CACNG3: variants seen among roughly 807,000 people sequenced by gnomAD.
CACNG3 encodes the protein calcium voltage-gated channel auxiliary subunit gamma 3.
A neutral mutation model predicts 28.5 loss-of-function variants in CACNG3; 3 were observed. That is an observed-to-expected ratio of 0.11 (90% CI 0.05 to 0.27). The LOEUF (loss-of-function observed/expected upper bound fraction) is 0.27. Among genes scored for constraint, CACNG3 ranks in the 10% least tolerant of loss-of-function variants. The pLI, the probability that CACNG3 is intolerant of heterozygous loss-of-function variation, is 1.00. For missense variants in CACNG3, 236 were observed against 414.4 expected (o/e 0.57, Z 3.74); for synonymous variants, 174 against 162.2 (o/e 1.07, Z -0.55).
At chr16:24,309,426 C>T (rs1899230206) in intron 1 of CACNG3, among the ~76,000 whole-genome samples, 1 of 152,176 alleles carries the variant, frequency 6.6e-6, no homozygotes, top group Non-Finnish European at 1.5e-5. Flanking sequence ...AGCTATGAGC[C>T]ACACAATGTT....
In CACNG3 at chr16:24,291,203, A is replaced by G. The variant is rs532710970; in HGVS notation, c.211+34238A>G. ...AGTTTTGGCACATAGTTAGCCCTCA[A>G]TAGCCACGTTGTTGTTGCTTGTTGT... On this transcript the variant is annotated intron_variant, in intron 1 of 3. Transcript: ENST00000005284. 1.1e-4 allele frequency among the ~76,000 whole-genome samples: 17 copies of G among 152,358 alleles called. No individual in the cohort carries two copies. In the South Asian group the frequency reaches 2.9e-3, roughly 26 times the overall value.
chr16:24,296,719 G>A (rs79698774), intron 1 of CACNG3, among the ~76,000 whole-genome samples: 1 of 152,150 alleles, frequency 6.6e-6, no homozygotes. Context: ...TATAAAACTA[G>A]GGTTCTCAAA....
At chr16:24,333,083 T>C (rs1195685448) in intron 1 of CACNG3, among the ~76,000 whole-genome samples, 1 of 152,142 alleles carries the variant, frequency 6.6e-6, no homozygotes, top group Non-Finnish European at 1.5e-5. Context: ...AAATATTGCT[T>C]GCAAAAATGA....
At chr16:24,270,974 C>G (rs1433082056) in intron 1 of CACNG3, among the ~76,000 whole-genome samples, 1 of 152,094 alleles carries the variant, frequency 6.6e-6, no homozygotes, top group African/African-American at 2.4e-5. Flanking sequence ...TTCAAGAAAG[C>G]CAGGGTGGCT....
In CACNG3 at chr16:24,297,956, G is replaced by A. The variant is rs114705893; in HGVS notation, c.211+40991G>A. On this transcript the variant is annotated intron_variant, in intron 1 of 3. Coordinates refer to ENST00000005284, the MANE Select transcript of CACNG3 (RefSeq NM_006539.4). The stretch of plus-strand genomic sequence containing the variant: ...TGAGGGTCCTCAGCCTGGGCCTGGA[G>A]GCCTGTGTCTTCTTTTCTTTTTCAA... 5.7e-3 allele frequency among the ~76,000 whole-genome samples: 862 copies of A among 151,618 alleles called. 11 individuals carry two copies. Among genetic ancestry groups the A allele is most frequent in the African/African-American group, 0.019 (770 of 41,270 alleles).
chr16:24,297,274 TAAAA>T (rs1317081772), intron 1 of CACNG3, among the ~76,000 whole-genome samples: 1 of 124,968 alleles, frequency 8.0e-6, no homozygotes, highest in Non-Finnish European at 1.6e-5. Context: ...TAAAATAAAA[TAAAA>T]TAAATAAATA....
intron 1 of CACNG3, among the ~76,000 whole-genome samples, chr16:24,319,242 C>T (rs1171063200): frequency 6.6e-6 from 1 of 152,106 alleles, no homozygotes; most frequent in Non-Finnish European, 1.5e-5. Context: ...CCATAGTGAA[C>T]TATGCGCATA....
intron 1 of CACNG3, among the ~76,000 whole-genome samples, chr16:24,276,027 A>C (rs1375328914): frequency 4.6e-5 from 7 of 152,200 alleles, no homozygotes; most frequent in African/African-American, 1.7e-4. Flanking sequence ...GAATATTCAC[A>C]GTTATTTCAA....
intron 1 of CACNG3, among the ~76,000 whole-genome samples, chr16:24,337,385 T>C (rs1372372122): frequency 6.6e-6 from 1 of 152,110 alleles, no homozygotes; most frequent in East Asian, 1.9e-4. Context: ...TGGTGACCAC[T>C]TCCCAGGATC....
At chr16:24,265,501 A>AAAAGAAAGAAAG (rs3060123) in intron 1 of CACNG3, among the ~76,000 whole-genome samples, 1 of 150,592 alleles carries the variant, frequency 6.6e-6, no homozygotes, top group Non-Finnish European at 1.5e-5. Flanking sequence ...AGAAGGAAAG[A>AAAAGAAAGAAAG]AAAGAAAGAA....
In CACNG3 at chr16:24,354,979, T is replaced by C; in HGVS notation, c.436+6T>C. ...CATCTTTTTTGTCTCTGCAGGTGAG[T>C]GTCTGGCCCCAGCCCTGAGATCTTC... On this transcript the variant is annotated splice_donor_region_variant and intron_variant, in intron 3 of 3. Coordinates refer to ENST00000005284, the MANE Select transcript of CACNG3 (RefSeq NM_006539.4). 1 of 1,609,686 alleles carries C rather than the reference T, an allele frequency of 6.2e-7. No homozygotes were observed. The highest frequency in any genetic ancestry group is 8.5e-7 in the Non-Finnish European group (1 of 1,178,166).
intron 1 of CACNG3, among the ~76,000 whole-genome samples, chr16:24,339,224 G>GA (rs1407612205): frequency 2.0e-5 from 3 of 151,928 alleles, no homozygotes; most frequent in African/African-American, 7.3e-5. Context: ...TCTCTGTATT[G>GA]AAAAAATATC....
At chr16:24,297,415 G>C (rs1438979280) in intron 1 of CACNG3, among the ~76,000 whole-genome samples, 1 of 152,148 alleles carries the variant, frequency 6.6e-6, no homozygotes, top group Non-Finnish European at 1.5e-5. Context: ...GAGAACTGGT[G>C]TGCTGCAAGG....
chr16:24,352,556 T>A (rs542708386), intron 2 of CACNG3, among the ~76,000 whole-genome samples: 34 of 141,458 alleles, frequency 2.4e-4, no homozygotes, highest in African/African-American at 8.8e-4. Context: ...TTTGTTTGTT[T>A]GAAACAAGGT....
intron 1 of CACNG3, among the ~76,000 whole-genome samples, chr16:24,282,874 T>C (rs556356643): frequency 1.1e-4 from 16 of 152,286 alleles, no homozygotes; most frequent in African/African-American, 3.4e-4. Context: ...GATTCTTTTT[T>C]TGTTTTTTGG....
intron 1 of CACNG3, among the ~76,000 whole-genome samples, chr16:24,345,394 A>G (rs1364569963): frequency 6.6e-6 from 1 of 152,144 alleles, no homozygotes; most frequent in East Asian, 1.9e-4. Context: ...TAACACCCAA[A>G]ATGATGATTA....
rs1159817893 is a variant in CACNG3, at chr16:24,361,723, G to A, written c.808G>A (p.Asp270Asn). Residue 270 changes from aspartate (D) to asparagine (N), a missense_variant, in exon 4 of 4, where the codon GAC becomes AAC. By Grantham distance (23) the Asp-to-Asn change is conservative (BLOSUM62 1). Coordinates refer to ENST00000005284, the MANE Select transcript of CACNG3 (RefSeq NM_006539.4). This position sits in a 1 kb window ranked among gnomAD's most constrained non-coding sequence, Gnocchi z 6.8. ...TDISMFTLSR[D>N]PSKITMGTLL... Reference sequence around the variant, plus strand: ...CATCTCGATGTTCACCCTCTCCCGGGACCCCTCAAAGATCACCATGGGGAC... The same window carrying A: ...CATCTCGATGTTCACCCTCTCCCGGAACCCCTCAAAGATCACCATGGGGAC... 1 of 1,613,352 alleles carries A rather than the reference G, an allele frequency of 6.2e-7. No individual in the cohort carries two copies. Among genetic ancestry groups the A allele is most frequent in the Admixed American group, 1.7e-5 (1 of 59,888 alleles).
intron 1 of CACNG3, among the ~76,000 whole-genome samples, chr16:24,301,379 G>A (rs1470773243): frequency 6.6e-6 from 1 of 152,006 alleles, no homozygotes; most frequent in Non-Finnish European, 1.5e-5. Context: ...AGACAACTTG[G>A]AATCTAGATT....
chr16:24,359,880 A>G (rs1900083017), intron 3 of CACNG3, among the ~76,000 whole-genome samples: 2 of 151,908 alleles, frequency 1.3e-5, no homozygotes, highest in South Asian at 4.2e-4. Flanking sequence ...AAAACAAAAC[A>G]AAACAAACAA....
Sources: gnomAD v4.1 joint callset for allele counts (sites outside exome capture counted in the v4.1 genomes callset) on GRCh38, gnomAD v4.1.1 for gene constraint, Gnocchi (gnomAD v3.1) non-coding constraint, MANE v1.5 for transcripts, NCBI Gene and HGNC (gene_info 2026-07-23, HGNC 2026-07-21) for gene names.